The following KLF15 variants were observed in gnomAD, a reference collection of about 807,000 sequenced individuals.
KLF15 encodes KLF transcription factor 15.
KLF15 carries 4 observed loss-of-function variants against 24.6 expected under a neutral mutation model. The ratio of observed to expected loss-of-function variants is 0.16; its 90% CI spans 0.08 to 0.37. The LOEUF is 0.37. Ranked by LOEUF, KLF15 falls within the 10% of genes least tolerant of loss-of-function variation. KLF15 has a pLI of 1.00. For synonymous variants in KLF15, 246 were observed against 236.3 expected (o/e 1.04, Z -0.37); for missense variants, 496 against 560.6 (o/e 0.88, Z 1.16).
chr3:126,292,329 C>T, the KLF15 span, among the ~76,000 whole-genome samples: 3 of 152,178 alleles, frequency 2.0e-5, no homozygotes, highest in Non-Finnish European at 4.4e-5. Context: ...TCCCCACAGA[C>T]TCAGCCACAG....
At chr3:126,350,597 C>T (rs956572014) in intron 2 of KLF15, among the ~76,000 whole-genome samples, 1 of 152,240 alleles carries the variant, frequency 6.6e-6, no homozygotes, top group Admixed American at 6.5e-5. Flanking sequence ...GCTCTCAGAA[C>T]CAGAGTATGG....
chr3:126,351,735 CT>C, intron 2 of KLF15, 105 bp downstream of exon 2: 1 of 1,098,606 alleles, frequency 9.1e-7, no homozygotes, highest in Non-Finnish European at 1.3e-6. Flanking sequence ...CCTCCCCTCC[CT>C]CATCTACCTT....
chr3:126,300,625 C>A, the KLF15 span, among the ~76,000 whole-genome samples: 1 of 152,228 alleles, frequency 6.6e-6, no homozygotes, highest in Non-Finnish European at 1.5e-5. Flanking sequence ...CCTCCTGCAA[C>A]CAGAGCCCCA....
the KLF15 span, among the ~76,000 whole-genome samples, chr3:126,326,844 G>A: frequency 3.3e-5 from 5 of 151,998 alleles, no homozygotes; most frequent in East Asian, 1.9e-4. Flanking sequence ...TAATTAAGTC[G>A]ATTAATATTG....
At chr3:126,322,069 C>T in the KLF15 span, among the ~76,000 whole-genome samples, 1 of 152,160 alleles carries the variant, frequency 6.6e-6, no homozygotes, top group African/African-American at 2.4e-5. Context: ...TGTCCCTGGT[C>T]ACCGATTTTA....
the KLF15 span, among the ~76,000 whole-genome samples, chr3:126,320,032 T>G: frequency 6.6e-6 from 1 of 152,096 alleles, no homozygotes; most frequent in South Asian, 2.1e-4. Flanking sequence ...AGCAGGGGGA[T>G]CAGTGTAGAC....
chr3:126,329,803 T>C, the KLF15 span, among the ~76,000 whole-genome samples: 1 of 151,488 alleles, frequency 6.6e-6, no homozygotes, highest in African/African-American at 2.4e-5. Flanking sequence ...AGGTCTTCTT[T>C]ATGTTTTCCA....
At chr3:126,291,741 C>T in the KLF15 span, among the ~76,000 whole-genome samples, 1 of 152,228 alleles carries the variant, frequency 6.6e-6, no homozygotes, top group East Asian at 1.9e-4. Context: ...GCTTGCTGAT[C>T]AGCTGGTCAC....
the KLF15 span, among the ~76,000 whole-genome samples, chr3:126,330,259 C>A: frequency 2.6e-4 from 40 of 152,316 alleles, no homozygotes; most frequent in East Asian, 6.8e-3. Flanking sequence ...AGACTCCCAG[C>A]CAACCCACAG....
At chr3:126,340,180 C>T (rs1576579428), downstream of KLF15, among the ~76,000 whole-genome samples, 1 of 152,260 alleles carries the variant, frequency 6.6e-6, no homozygotes, top group East Asian at 1.9e-4. Context: ...GCTCCTACCT[C>T]CTTGCCTTCT....
At chr3:126,311,747 G>A in the KLF15 span, among the ~76,000 whole-genome samples, 1 of 152,334 alleles carries the variant, frequency 6.6e-6, no homozygotes, top group South Asian at 2.1e-4. Context: ...TGACATGACT[G>A]TATAGCTCCC....
the KLF15 span, among the ~76,000 whole-genome samples, chr3:126,309,498 T>C: frequency 6.6e-6 from 1 of 152,250 alleles, no homozygotes; most frequent in Non-Finnish European, 1.5e-5. Flanking sequence ...GGAACCCACG[T>C]TTCTGCTTAC....
downstream of KLF15, chr3:126,342,578 C>G (rs1436391290): frequency 1.3e-5 from 2 of 152,520 alleles, no homozygotes; most frequent in Non-Finnish European, 2.9e-5. Flanking sequence ...AGACTCGGCC[C>G]CAGAGTCACC....
the KLF15 span, among the ~76,000 whole-genome samples, chr3:126,310,242 A>G: frequency 1.3e-5 from 2 of 152,352 alleles, no homozygotes; most frequent in South Asian, 4.1e-4. Context: ...TTGGAGGCTC[A>G]CATTTAAACC....
chr3:126,291,861 TG>T, the KLF15 span, among the ~76,000 whole-genome samples: 7 of 152,212 alleles, frequency 4.6e-5, no homozygotes, highest in Non-Finnish European at 7.3e-5. Context: ...CCAGGTGCCC[TG>T]GAACTGTTGT....
At chr3:126,321,839 G>A in the KLF15 span, among the ~76,000 whole-genome samples, 1 of 152,342 alleles carries the variant, frequency 6.6e-6, no homozygotes, top group East Asian at 1.9e-4. Flanking sequence ...TGGCACTGCT[G>A]CAGGCGGTCC....
Position 126,352,129 on chromosome 3 carries a change from T to C in KLF15, c.794A>G (p.Gln265Arg). Residue 265 changes from glutamine to arginine, a missense_variant, in exon 2 of 3, where the codon CAG becomes CGG. Gln to Arg is a conservative substitution (Grantham distance 43, BLOSUM62 1). Coordinates refer to ENST00000296233, the MANE Select transcript of KLF15 (RefSeq NM_014079.4). Reference sequence around the variant, plus strand: ...GTTCAAGTTGGAGGAGGGTACCACCTGGGGCACGAGTGCGAAGGTCTGCCC... The same window carrying C: ...GTTCAAGTTGGAGGAGGGTACCACCCGGGGCACGAGTGCGAAGGTCTGCCC... ...IQGQTFALVP[Q>R]VVPSSNLNLP... The C allele has an allele frequency of 6.4e-7, 1 of 1,562,110 alleles. No homozygotes were observed. The highest frequency in any genetic ancestry group is 8.7e-7 in the Non-Finnish European group (1 of 1,152,636).
the KLF15 span, chr3:126,288,881 T>C: frequency 1.3e-5 from 2 of 152,312 alleles, no homozygotes; most frequent in East Asian, 3.9e-4. Flanking sequence ...TTCAGTTCAA[T>C]ATCAATGAAA....
Position 126,356,843 on chromosome 3 carries a change from C to T in KLF15, c.-26+394G>A, listed in dbSNP as rs2082636367. The stretch of plus-strand genomic sequence containing the variant: ...CTGCTGCGGTGACCGACAGTAACCC[C>T]TCCGTCTCCAGCCCCTCCGCCCCCC... On this transcript the variant is annotated intron_variant, in intron 1 of 2. Transcript: ENST00000296233. The surrounding 1 kb of genome is among the most constrained non-coding windows in gnomAD (Gnocchi z 4.4). Among the ~76,000 whole-genome samples, 1 of 151,812 alleles carries T rather than the reference C, an allele frequency of 6.6e-6. No homozygotes were observed. The highest frequency in any genetic ancestry group is 1.5e-5 in the Non-Finnish European group (1 of 67,878).
Sources: gnomAD v4.1 joint callset for allele counts (sites outside exome capture counted in the v4.1 genomes callset) on GRCh38, gnomAD v4.1.1 for gene constraint, Gnocchi (gnomAD v3.1) non-coding constraint, MANE v1.5 for transcripts, NCBI Gene and HGNC (gene_info 2026-07-23, HGNC 2026-07-21) for gene names.